Variants in LIFR observed in about 807,000 individuals in gnomAD.
The protein encoded by LIFR is leukemia inhibitory factor receptor.
Under a neutral mutation model 122.2 loss-of-function variants are expected in LIFR, and 84 were observed. That is an observed-to-expected ratio of 0.69 (90% CI 0.58 to 0.82). LIFR has a LOEUF of 0.82. Ranked by LOEUF, LIFR falls within the 40% of genes least tolerant of loss-of-function variation. LIFR has a pLI of 0.00. For missense variants in LIFR, 1,294 were observed against 1,311.6 expected (o/e 0.99, Z 0.21); for synonymous variants, 422 against 434.7 (o/e 0.97, Z 0.36).
chr5:38,494,293 G>A (rs1456163821), intron 13 of LIFR, among the ~76,000 whole-genome samples: 1 of 152,190 alleles, frequency 6.6e-6, no homozygotes, highest in Non-Finnish European at 1.5e-5. Flanking sequence ...AACGAAGACT[G>A]CAGCCCAAGA....
chr5:38,578,380 A>G (rs1261256377), intron 1 of LIFR, among the ~76,000 whole-genome samples: 1 of 149,840 alleles, frequency 6.7e-6, no homozygotes, highest in Non-Finnish European at 1.5e-5. Flanking sequence ...CTAATTTTGT[A>G]TTTTTAGTAG....
chr5:38,527,040 G>A (rs941928702), intron 4 of LIFR, 115 bp downstream of exon 4: 10 of 918,610 alleles, frequency 1.1e-5, no homozygotes, highest in Non-Finnish European at 4.9e-6. Context: ...GGAGGTTGCT[G>A]AGTGAATTAA....
chr5:38,560,877 T>C (rs1748812428), upstream of LIFR, among the ~76,000 whole-genome samples: 1 of 152,168 alleles, frequency 6.6e-6, no homozygotes. Context: ...ATTACATGCA[T>C]GAGCCACCAC....
At chr5:38,596,198 G>A (rs1366466497), upstream of LIFR, among the ~76,000 whole-genome samples, 1 of 152,134 alleles carries the variant, frequency 6.6e-6, no homozygotes, top group Non-Finnish European at 1.5e-5. Context: ...AATGCTCCTC[G>A]AAGCTTGATT....
chr5:38,512,088 T>C, intron 5 of LIFR, 124 bp from the exon 6 acceptor site: 2 of 930,172 alleles, frequency 2.2e-6, no homozygotes, highest in Non-Finnish European at 1.7e-6. Flanking sequence ...TGTCCTTTAA[T>C]ACAACTCAGT....
intron 4 of LIFR, among the ~76,000 whole-genome samples, chr5:38,525,442 T>C (rs997224033): frequency 5.3e-5 from 8 of 152,054 alleles, no homozygotes; most frequent in Non-Finnish European, 1.2e-4. Context: ...ATATGCTAAA[T>C]AACAAAAAGG....
At chr5:38,572,545 C>T (rs1030532418) in intron 1 of LIFR, among the ~76,000 whole-genome samples, 1 of 152,170 alleles carries the variant, frequency 6.6e-6, no homozygotes, top group African/African-American at 2.4e-5. Flanking sequence ...AAGCACCCCT[C>T]AACATTTGTG....
chr5:38,512,003 A>C (rs1367802829), intron 5 of LIFR, 39 bp from the exon 6 acceptor site: 1 of 1,600,016 alleles, frequency 6.2e-7, no homozygotes. Flanking sequence ...ATTTCCAAGT[A>C]GCAATATGTT....
chr5:38,598,231 TTATTTATTTATTTA>T (rs1316932898), upstream of LIFR, among the ~76,000 whole-genome samples: 2 of 41,878 alleles, frequency 4.8e-5, no homozygotes, highest in Non-Finnish European at 8.4e-5. Context: ...TTTTTTTTTT[TTATTTATTTATTTA>T]TTTTTTTTTT....
At chr5:38,489,274 G>T (rs1449298741) in intron 15 of LIFR, 29 bp from the exon 16 acceptor site, 1 of 1,573,252 alleles carries the variant, frequency 6.4e-7, no homozygotes, top group East Asian at 2.2e-5. Flanking sequence ...AATTGCTAAA[G>T]GGGAGTGTAT....
intron 1 of LIFR, among the ~76,000 whole-genome samples, chr5:38,554,825 A>G (rs906677440): frequency 4.6e-5 from 7 of 152,192 alleles, no homozygotes; most frequent in African/African-American, 1.7e-4. Context: ...CTGCTGCACA[A>G]TTAATGTAAG....
exon 1 of LIFR, chr5:38,608,155 A>G (rs1275034263): frequency 6.6e-6 from 1 of 152,176 alleles, no homozygotes; most frequent in African/African-American, 2.4e-5. Flanking sequence ...AACTCACCAC[A>G]AGAATCTCCT....
intron 1 of LIFR, among the ~76,000 whole-genome samples, chr5:38,561,666 C>T (rs1309347170): frequency 4.6e-5 from 7 of 152,152 alleles, no homozygotes; most frequent in African/African-American, 1.4e-4. Context: ...TGAATGTTAT[C>T]GTTATTATAA....
rs556867223 is a variant in LIFR, at chr5:38,530,766, A to T, written c.-19-100T>A. The T allele has an allele frequency of 2.6e-4, 271 of 1,057,594 alleles. 2 individuals carry two copies. Among genetic ancestry groups the T allele is most frequent in the South Asian group, 1.3e-3 (99 of 78,280 alleles). The allele number at this position is 1,057,594 out of a possible 1,614,324, so 65.5% of individuals were successfully genotyped here. On this transcript the variant is annotated intron_variant, in intron 1 of 19. Transcript: ENST00000453190. The stretch of plus-strand genomic sequence containing the variant: ...TCAAATAGATTCTGACAGATTCTGA[A>T]ACACTGTACATTTAGAGACTTTGGA...
Position 38,564,258 on chromosome 5 carries a change from TA to T in LIFR, c.-20+31002del, listed in dbSNP as rs1748932399. Among the ~76,000 whole-genome samples, 5 of 150,168 alleles carry T rather than the reference TA, an allele frequency of 3.3e-5. No individual in the cohort carries two copies. The South Asian group carries it at 8.5e-4, about 25-fold the overall frequency. Reference sequence around the variant, plus strand: ...TGATTGGATTTTTTTTTTTTTAGACTACTGCCCAGGCTAGAGTGCAGTGGCA... The same window carrying T: ...TGATTGGATTTTTTTTTTTTTAGACTCTGCCCAGGCTAGAGTGCAGTGGCA... On this transcript the variant is annotated intron_variant, in intron 1 of 19. Transcript: ENST00000263409.
chr5:38,523,583 C>G lies in LIFR; in HGVS notation c.398-1G>C, dbSNP rs1170970431. The G allele has an allele frequency of 4.3e-6, 7 of 1,610,886 alleles. No individual in the cohort carries two copies. The highest frequency in any genetic ancestry group is 5.9e-6 in the Non-Finnish European group (7 of 1,177,360). On this transcript the variant is annotated splice_acceptor_variant, in intron 4 of 19. Coordinates refer to ENST00000453190, the MANE Select transcript of LIFR (RefSeq NM_001127671.2). LOFTEE classifies it high-confidence loss of function. Reference sequence around the variant, plus strand: ...ATCTCTGGAGTATCTGGAATTAAGGCTTTAAAAAGAGGAAACAAAAGAGAA... The same window carrying G: ...ATCTCTGGAGTATCTGGAATTAAGGGTTTAAAAAGAGGAAACAAAAGAGAA...
chr5:38,587,889 C>T (rs1284499970), intron 1 of LIFR, among the ~76,000 whole-genome samples: 1 of 152,190 alleles, frequency 6.6e-6, no homozygotes, highest in Admixed American at 6.5e-5. Flanking sequence ...TAGTGCTTAC[C>T]ATGTGCCTGG....
Position 38,531,074 on chromosome 5 carries a change from T to C in LIFR, c.-19-408A>G, listed in dbSNP as rs184284578. On this transcript the variant is annotated intron_variant, in intron 1 of 19. Transcript: ENST00000453190. Reference sequence around the variant, plus strand: ...TATTTTATTAGTACGTTAACTTGTGTTTAGTCATTTATGACAAGTTATATT... The same window carrying C: ...TATTTTATTAGTACGTTAACTTGTGCTTAGTCATTTATGACAAGTTATATT... Among the ~76,000 whole-genome samples the C allele has an allele frequency of 2.6e-5, 4 of 152,360 alleles. No homozygotes were observed. The East Asian group carries it at 7.7e-4, about 29-fold the overall frequency.
chr5:38,515,155 T>C (rs958096006), intron 5 of LIFR, among the ~76,000 whole-genome samples: 2 of 152,162 alleles, frequency 1.3e-5, no homozygotes, highest in Non-Finnish European at 2.9e-5. Context: ...TATAAATATA[T>C]CTAGGTATTA....
Sources: gnomAD v4.1 joint callset for allele counts (sites outside exome capture counted in the v4.1 genomes callset) on GRCh38, gnomAD v4.1.1 for gene constraint, MANE v1.5 for transcripts, NCBI Gene and HGNC (gene_info 2026-07-23, HGNC 2026-07-21) for gene names.